CIITA: variants seen among roughly 807,000 people sequenced by gnomAD.
CIITA encodes the protein class II major histocompatibility complex transactivator, also known as MHC class II transactivator.
In CIITA, 72 loss-of-function variants were observed where a neutral mutation model predicts 115.1. The ratio of observed to expected loss-of-function variants is 0.63; its 90% CI spans 0.52 to 0.76. The LOEUF is 0.76. CIITA is among the 30% of genes least tolerant of loss of function. The probability of loss-of-function intolerance (pLI) is 0.00; values close to 1 mark genes in which losing one functional copy is unlikely to be tolerated. For synonymous variants in CIITA, 763 were observed against 635.6 expected (o/e 1.20, Z -3.02); for missense variants, 1,617 against 1,463.8 (o/e 1.10, Z -1.71).
intron 15 of CIITA, 60 bp from the exon 16 acceptor site, chr16:10,918,380 A>G: frequency 5.7e-6 from 8 of 1,414,080 alleles, no homozygotes; most frequent in Non-Finnish European, 8.0e-6. Context: ...ACTCTCCTTG[A>G]GGTCAAAGTG....
chr16:10,909,053 G>T lies in CIITA; in HGVS notation c.2682G>T (p.Ala894=), dbSNP rs148091568. ...RFRAALSDTV[A]LWESLQQHGE... ...GGGCTGCCTTGAGCGACACGGTGGC[G>T]CTGTGGGAGTCCCTGCAGCAGCATG... The change falls in exon 12 of 20, where the codon GCG becomes GCT. Residue 894 remains alanine, a synonymous_variant. Transcript: ENST00000324288. 2 of 1,614,186 alleles carry T rather than the reference G, an allele frequency of 1.2e-6. No individual in the cohort carries two copies. The highest frequency in any genetic ancestry group is 1.7e-6 in the Non-Finnish European group (2 of 1,180,026).
Position 10,934,214 on chromosome 16 carries a change from A to G in CIITA, c.*10359A>G, listed in dbSNP as rs549877068. The G allele has an allele frequency of 1.3e-5, 2 of 152,362 alleles. No homozygotes were observed. The highest frequency in any genetic ancestry group is 3.9e-4 in the East Asian group (2 of 5,192). 9.4% of individuals were successfully genotyped at this position (152,362 alleles called of 1,614,324 possible). ...CCTCCCTCCAGGTCCTGCCACATCC[A>G]AGAACCACCTGGACTATTATTTACT... On this transcript the variant is annotated 3_prime_UTR_variant, in exon 20 of 20. Coordinates refer to ENST00000324288, the MANE Select transcript of CIITA (RefSeq NM_000246.4). The surrounding 1 kb of genome is among the most constrained non-coding windows in gnomAD (Gnocchi z 4.2).
At chr16:10,908,971 C>T in intron 11 of CIITA, 58 bp from the exon 12 acceptor site, 1 of 1,611,972 alleles carries the variant, frequency 6.2e-7, no homozygotes, top group Non-Finnish European at 8.5e-7. Context: ...ATGGAGCTGC[C>T]CTTCCATTAA....
In CIITA at chr16:10,942,100, G is replaced by A. The variant is rs963340548; in HGVS notation, n.1226G>A. ...GCGAGGGCACAGCGCAGCCATCCAG[G>A]GGTACCCTGGAGCCCGACAGAAGCA... On this transcript the variant is annotated non_coding_transcript_exon_variant, in exon 2 of 2. Coordinates refer to the CIITA transcript ENST00000573379. This position sits in a 1 kb window ranked among gnomAD's most constrained non-coding sequence, Gnocchi z 5.0. 44 of 1,046,962 alleles carry A rather than the reference G, an allele frequency of 4.2e-5. No individual in the cohort carries two copies. Among genetic ancestry groups the A allele is most frequent in the Middle Eastern group, 3.4e-4 (1 of 2,948 alleles). 64.9% of individuals were successfully genotyped at this position (1,046,962 alleles called of 1,614,324 possible).
At chr16:10,902,631 C>T in intron 7 of CIITA, 27 bp from the exon 8 acceptor site, 1 of 1,614,036 alleles carries the variant, frequency 6.2e-7, no homozygotes, top group Non-Finnish European at 8.5e-7. Context: ...ATGCAAGATC[C>T]CACCTCACTG....
rs2038876293 is a variant in CIITA, at chr16:10,902,804, G to A, written c.772+3G>A. On this transcript the variant is annotated splice_donor_region_variant and intron_variant, in intron 8 of 19. Transcript: ENST00000324288. ...CTCCAGTATATTCATCTACCATGGT[G>A]AGTGCGGGGCCTGGCTCCCCGACCA... 1 of 1,614,112 alleles carries A rather than the reference G, an allele frequency of 6.2e-7. No homozygotes were observed. The highest frequency in any genetic ancestry group is 2.2e-5 in the East Asian group (1 of 44,866).
chr16:10,907,438 C>T lies in CIITA; in HGVS notation c.1946C>T (p.Ala649Val), dbSNP rs1268031530. 1 of 1,613,048 alleles carries T rather than the reference C, an allele frequency of 6.2e-7. No homozygotes were observed. Among genetic ancestry groups the T allele is most frequent in the South Asian group, 1.1e-5 (1 of 91,062 alleles). Residue 649 changes from alanine to valine, a missense_variant, in exon 11 of 20, where the codon GCC becomes GTC. By Grantham distance (64) the Ala-to-Val change is moderately conservative. Coordinates refer to ENST00000324288, the MANE Select transcript of CIITA (RefSeq NM_000246.4). This position sits in a 1 kb window ranked among gnomAD's most constrained non-coding sequence, Gnocchi z 5.0. ...TATGTCGGCCTGCTGGGCCGTGCAG[C>T]CCTCGACAGCCCCCCCGGGGCCCTG... is the stretch of plus-strand genomic sequence containing the variant. ...GLYVGLLGRA[A>V]LDSPPGALAE...
chr16:10,877,277 C>A lies in CIITA; in HGVS notation c.-54C>A, dbSNP rs558251806. ...GGCATCCTTGGGGAAGCTGAGGGCA[C>A]GAGGAGGGGCTGCCAGACTCCGGGA... is the stretch of plus-strand genomic sequence containing the variant. On this transcript the variant is annotated 5_prime_UTR_variant, in exon 1 of 20. Coordinates refer to ENST00000324288, the MANE Select transcript of CIITA (RefSeq NM_000246.4). The A allele has an allele frequency of 1.6e-5, 25 of 1,572,412 alleles. No individual in the cohort carries two copies. The highest frequency in any genetic ancestry group is 2.1e-5 in the Non-Finnish European group (24 of 1,149,512).
chr16:10,918,534 G>C lies in CIITA; in HGVS notation c.3149+8G>C. On this transcript the variant is annotated splice_region_variant and intron_variant, in intron 16 of 19. Coordinates refer to ENST00000324288, the MANE Select transcript of CIITA (RefSeq NM_000246.4). The stretch of plus-strand genomic sequence containing the variant: ...ATCCCTGCTCAGGCTAAGGTGAGTG[G>C]GGCCCCGGATACCGGTCAGGTGCTG... The C allele has an allele frequency of 6.2e-7, 1 of 1,613,768 alleles. No homozygotes were observed. Among genetic ancestry groups the C allele is most frequent in the Non-Finnish European group, 8.5e-7 (1 of 1,179,886 alleles).
Position 10,877,207 on chromosome 16 carries a change from T to G in CIITA, c.-124T>G. 3 of 804,780 alleles carry G rather than the reference T, an allele frequency of 3.7e-6. No individual in the cohort carries two copies. Among genetic ancestry groups the G allele is most frequent in the Non-Finnish European group, 6.4e-6 (3 of 467,638 alleles). 49.9% of individuals were successfully genotyped at this position (804,780 alleles called of 1,614,324 possible). On this transcript the variant is annotated 5_prime_UTR_variant, in exon 1 of 20. It removes an upstream start codon present in the reference 5' UTR. Transcript: ENST00000324288. ...CTCCCAACTGGTGACTGGTTAGTGA[T>G]GAGGCTAGTGATGAGGCTGTGTGCT...
intron 10 of CIITA, among the ~76,000 whole-genome samples, chr16:10,905,182 A>T (rs2039052655): frequency 1.3e-5 from 2 of 152,186 alleles, no homozygotes; most frequent in South Asian, 4.1e-4. Flanking sequence ...AGAATTACTA[A>T]ATTACTAAAT....
intron 1 of CIITA, among the ~76,000 whole-genome samples, chr16:10,868,060 C>A (rs927901427): frequency 6.6e-6 from 1 of 152,214 alleles, no homozygotes; most frequent in African/African-American, 2.4e-5. Context: ...CCACACCCAA[C>A]CTGGTCATAA....
rs1271950408 is a variant in CIITA, at chr16:10,927,149, TCAATA to T, written c.*3295_*3299del. On this transcript the variant is annotated 3_prime_UTR_variant, in exon 20 of 20. Transcript: ENST00000324288. ...GAGCTAATACGTTAAGAATTGGAGC[TCAATA>T]ACATGTTGGCTGTCATTATTACATA... 3.3e-5 allele frequency: 5 copies of T among 152,264 alleles called. No homozygotes were observed. The highest frequency in any genetic ancestry group is 5.9e-5 in the Non-Finnish European group (4 of 68,050). The allele number at this position is 152,264 out of a possible 1,614,324, so 9.4% of individuals were successfully genotyped here.
intron 11 of CIITA, chr16:10,908,819 A>T: frequency 1.5e-6 from 1 of 683,064 alleles, no homozygotes; most frequent in East Asian, 2.7e-5. Flanking sequence ...TGGTAGCCGA[A>T]GCAAAAAGGG....
intron 18 of CIITA, 31 bp downstream of exon 18, chr16:10,922,521 A>C (rs765123477): frequency 3.7e-6 from 6 of 1,609,074 alleles, no homozygotes; most frequent in Non-Finnish European, 1.7e-6. Flanking sequence ...TGGGTGGAGA[A>C]CAACTCACTC....
intron 1 of CIITA, among the ~76,000 whole-genome samples, chr16:10,866,920 A>G (rs1398378190): frequency 6.6e-6 from 1 of 152,192 alleles, no homozygotes; most frequent in Non-Finnish European, 1.5e-5. Context: ...AGTGGGGAAG[A>G]TGGATGCAGG....
chr16:10,907,818 C>G lies in CIITA; in HGVS notation c.2326C>G (p.Pro776Ala). ...CCGCTGCCTGGGAGCCCTACTCGGGCCATCGGCGGCTGCCTCGGTGGACAG... is the reference window on the plus strand; with the variant it reads ...CCGCTGCCTGGGAGCCCTACTCGGGGCATCGGCGGCTGCCTCGGTGGACAG... ...PARCLGALLG[P>A]SAAASVDRKQ... is the part of the protein sequence containing the mutation. Residue 776 changes from proline (P) to alanine (A), a missense_variant, in exon 11 of 20, where the codon CCA (proline) becomes GCA (alanine). Transcript: ENST00000324288. This position sits in a 1 kb window ranked among gnomAD's most constrained non-coding sequence, Gnocchi z 5.0. 6.2e-7 allele frequency: 1 copy of G among 1,613,942 alleles called. No individual in the cohort carries two copies. The highest frequency in any genetic ancestry group is 8.5e-7 in the Non-Finnish European group (1 of 1,179,888).
In CIITA at chr16:10,936,342, T is replaced by C. The variant is rs188083490; in HGVS notation, c.*12487T>C. On this transcript the variant is annotated 3_prime_UTR_variant, in exon 20 of 20. Coordinates refer to ENST00000324288, the MANE Select transcript of CIITA (RefSeq NM_000246.4). ...GATTTTGACAACCCTACTGTGGTTA[T>C]GCAAATTTGTCCTTGTTCTAAGGAA... 1.3e-5 allele frequency: 2 copies of C among 152,322 alleles called. No individual in the cohort carries two copies. Among genetic ancestry groups the C allele is most frequent in the Admixed American group, 6.5e-5 (1 of 15,302 alleles). 9.4% of individuals were successfully genotyped at this position (152,322 alleles called of 1,614,324 possible).
At chr16:10,940,110 C>T (rs2041081734), downstream of CIITA, 1 of 152,234 alleles carries the variant, frequency 6.6e-6, no homozygotes, top group Non-Finnish European at 1.5e-5. This position sits in a 1 kb window ranked among gnomAD's most constrained non-coding sequence, Gnocchi z 4.2. Context: ...TTAGGAGAGC[C>T]CTCTGCCGCC....
Sources: allele counts gnomAD v4.1 joint callset (sites outside exome capture counted in the v4.1 genomes callset), GRCh38; gene constraint gnomAD v4.1.1; non-coding constraint Gnocchi (gnomAD v3.1); transcripts MANE v1.5; gene names NCBI Gene and HGNC (gene_info 2026-07-23, HGNC 2026-07-21).